Variants in MEF2C observed in about 807,000 individuals in gnomAD.
MEF2C encodes the protein myocyte enhancer factor 2C.
A neutral mutation model predicts 50.5 loss-of-function variants in MEF2C; 6 were observed. The observed-to-expected ratio is 0.12, with a 90% CI of 0.07 to 0.23. MEF2C has a LOEUF of 0.23. Ranked by LOEUF, MEF2C falls within the 10% of genes least tolerant of loss-of-function variation. MEF2C has a pLI of 1.00. For synonymous variants in MEF2C, 183 were observed against 228.0 expected, an observed-to-expected ratio of 0.80 and a Z score of 1.78; for missense variants, 276 against 605.0, an observed-to-expected ratio of 0.46 and a Z score of 5.70.
chr5:88,793,151 G>A (rs1794546553), intron 3 of MEF2C, among the ~76,000 whole-genome samples: 1 of 152,146 alleles, frequency 6.6e-6, no homozygotes, highest in Non-Finnish European at 1.5e-5. Context: ...TACAGGGGAA[G>A]CACCTAACCT....
At chr5:88,727,334 A>G (rs1372786976) in intron 10 of MEF2C, among the ~76,000 whole-genome samples, 1 of 152,208 alleles carries the variant, frequency 6.6e-6, no homozygotes, top group Non-Finnish European at 1.5e-5. Flanking sequence ...TAGATTTTCA[A>G]TGACAGTGAT....
At chr5:88,774,166 TA>T (rs1329989489) in intron 3 of MEF2C, among the ~76,000 whole-genome samples, 11 of 151,852 alleles carry the variant, frequency 7.2e-5, no homozygotes, top group African/African-American at 2.7e-4. Flanking sequence ...GACCTGGAGG[TA>T]GAAGTTGTTA....
intron 1 of MEF2C, among the ~76,000 whole-genome samples, chr5:88,894,502 A>C (rs1834911055): frequency 6.6e-6 from 1 of 152,198 alleles, no homozygotes; most frequent in African/African-American, 2.4e-5. Context: ...CTATTTAGAA[A>C]TCTCCTCAGG....
intron 2 of MEF2C, among the ~76,000 whole-genome samples, chr5:88,818,031 T>G (rs958732715): frequency 3.9e-5 from 6 of 151,944 alleles, no homozygotes; most frequent in African/African-American, 1.2e-4. Context: ...AAGTGTTCTA[T>G]CCCACCAAAG....
At chr5:88,894,720 A>T (rs973818858) in intron 1 of MEF2C, among the ~76,000 whole-genome samples, 4 of 152,234 alleles carry the variant, frequency 2.6e-5, no homozygotes, top group African/African-American at 9.6e-5. Flanking sequence ...TATTTTTGAT[A>T]TGATTTTATA....
chr5:88,844,299 G>C (rs937795862), intron 1 of MEF2C, among the ~76,000 whole-genome samples: 1 of 152,142 alleles, frequency 6.6e-6, no homozygotes, highest in African/African-American at 2.4e-5. Context: ...ACTCTATACT[G>C]CAAGTAAGCA....
intron 1 of MEF2C, among the ~76,000 whole-genome samples, chr5:88,873,234 T>G (rs1830068187): frequency 1.3e-5 from 2 of 152,048 alleles, no homozygotes; most frequent in South Asian, 4.1e-4. Flanking sequence ...GCTGTTGTTC[T>G]TTACAAAGAC....
At chr5:88,805,622 C>CA (rs986442455) in intron 2 of MEF2C, among the ~76,000 whole-genome samples, 3 of 152,178 alleles carry the variant, frequency 2.0e-5, no homozygotes, top group African/African-American at 7.2e-5. Flanking sequence ...CAATTTAACT[C>CA]AAACTGCAAA....
Position 88,732,050 on chromosome 5 carries a change from A to T in MEF2C, c.638-149T>A, listed in dbSNP as rs1324438644. The T allele has an allele frequency of 1.9e-5, 14 of 723,736 alleles. 1 individual carries two copies. The highest frequency in any genetic ancestry group is 3.1e-5 in the Non-Finnish European group (14 of 454,606). 44.8% of individuals were successfully genotyped at this position (723,736 alleles called of 1,614,324 possible). A position where few individuals can be genotyped will look rare whatever the true frequency, so the allele number is the denominator to read the frequency against. On this transcript the variant is annotated intron_variant, in intron 6 of 10. Coordinates refer to ENST00000504921, the MANE Select transcript of MEF2C (RefSeq NM_002397.5). ...ATGACTGATTTGACCTCCATGGGACAAGTAACCCAATTAAGTATTCAATAG... is the reference window on the plus strand; with the variant it reads ...ATGACTGATTTGACCTCCATGGGACTAGTAACCCAATTAAGTATTCAATAG...
intron 1 of MEF2C, among the ~76,000 whole-genome samples, chr5:88,896,795 AG>A (rs1835160981): frequency 6.6e-6 from 1 of 152,230 alleles, no homozygotes; most frequent in Non-Finnish European, 1.5e-5. Context: ...GCTAGCCAAC[AG>A]ATTTCCTCCC....
intron 1 of MEF2C, among the ~76,000 whole-genome samples, chr5:88,869,262 T>TATATATATATATATAC: frequency 1.4e-5 from 1 of 72,972 alleles, no homozygotes; most frequent in East Asian, 3.4e-4. Flanking sequence ...CATATATATA[T>TATATATATATATATAC]ATATATATAT....
chr5:88,829,245 T>C (rs188143965), intron 1 of MEF2C, among the ~76,000 whole-genome samples: 1 of 152,074 alleles, frequency 6.6e-6, no homozygotes, highest in East Asian at 1.9e-4. Context: ...TGCCTGGATG[T>C]TCCTCCTTTC....
chr5:88,778,810 A>T (rs2152844005), intron 3 of MEF2C, among the ~76,000 whole-genome samples: 1 of 152,336 alleles, frequency 6.6e-6, no homozygotes. Flanking sequence ...ACCAAGGAAA[A>T]GGAGAAACTG....
intron 1 of MEF2C, among the ~76,000 whole-genome samples, chr5:88,848,564 T>A (rs1306481585): frequency 6.6e-6 from 1 of 152,188 alleles, no homozygotes; most frequent in Non-Finnish European, 1.5e-5. Flanking sequence ...TTTGAAATCT[T>A]CAGTAGTATA....
At chr5:88,730,022 T>C (rs1760767069) in intron 8 of MEF2C, among the ~76,000 whole-genome samples, 189 bp downstream of exon 8, 1 of 117,286 alleles carries the variant, frequency 8.5e-6, no homozygotes, top group Non-Finnish European at 2.0e-5. Flanking sequence ...AGAAAAAATA[T>C]TGAAACAAAA....
In MEF2C at chr5:88,735,734, C is replaced by G. The variant is rs142882442; in HGVS notation, c.638-3833G>C. On this transcript the variant is annotated intron_variant, in intron 6 of 10. Coordinates refer to ENST00000504921, the MANE Select transcript of MEF2C (RefSeq NM_002397.5). ...TCCCCAGTTAACTTGCAAACACTTG[C>G]TGCATTTTTTTTATTGACTCCTATT... 7.5e-5 allele frequency: 74 copies of G among 985,286 alleles called. No homozygotes were observed. The East Asian group carries it at 2.2e-3, about 29-fold the overall frequency. 61.0% of individuals were successfully genotyped at this position (985,286 alleles called of 1,614,324 possible). A position where few individuals can be genotyped will look rare whatever the true frequency, so the allele number is the denominator to read the frequency against.
chr5:88,735,510 C>A (rs996693348), intron 6 of MEF2C: 2 of 982,300 alleles, frequency 2.0e-6, no homozygotes, highest in African/African-American at 1.8e-5. Context: ...AAGTACAGAC[C>A]AACTTTAGAG....
At chr5:88,828,844 C>T (rs576611024) in intron 1 of MEF2C, among the ~76,000 whole-genome samples, 3 of 152,012 alleles carry the variant, frequency 2.0e-5, no homozygotes, top group South Asian at 2.1e-4. Context: ...TATTGATGCT[C>T]GACTGCGTGA....
chr5:88,742,053 A>C, intron 6 of MEF2C: 1 of 985,424 alleles, frequency 1.0e-6, no homozygotes, highest in Non-Finnish European at 1.2e-6. Context: ...GCAAAATTTA[A>C]GTGATTGGCA....
Sources: allele counts gnomAD v4.1 joint callset (sites outside exome capture counted in the v4.1 genomes callset), GRCh38; gene constraint gnomAD v4.1.1; transcripts MANE v1.5; gene names NCBI Gene and HGNC (gene_info 2026-07-23, HGNC 2026-07-21).